The following SPAG16 variants were observed in gnomAD, a reference collection of about 807,000 sequenced individuals.
The protein encoded by SPAG16 is sperm-associated antigen 16 protein.
In SPAG16, 86 loss-of-function variants were observed where a neutral mutation model predicts 80.4. That is an observed-to-expected ratio of 1.07 (90% CI 0.90 to 1.28). The LOEUF is 1.28. SPAG16 is among the 50% of genes most tolerant of loss of function. The pLI is 0.00. For missense variants in SPAG16, 870 were observed against 765.3 expected (o/e 1.14, Z -1.61); for synonymous variants, 294 against 265.9 (o/e 1.11, Z -1.03).
At position 213,763,619 on chromosome 2, in the gene SPAG16, A is replaced by G. The variant is rs563002702; in HGVS notation, c.1071-98866A>G. ...CAACAATGTGCATATAGTTAACAAT[A>G]CTATACTGTGTGCTTAAAAATTTTA... On this transcript the variant is annotated intron_variant, in intron 10 of 15. Coordinates refer to ENST00000331683, the MANE Select transcript of SPAG16 (RefSeq NM_024532.5). Among the ~76,000 whole-genome samples, 3 of 152,178 alleles carry G rather than the reference A, an allele frequency of 2.0e-5. 1 individual carries two copies. The highest frequency in any genetic ancestry group is 7.2e-5 in the African/African-American group (3 of 41,514).
At chr2:214,366,385 G>A (rs189976690) in intron 15 of SPAG16, among the ~76,000 whole-genome samples, 1 of 152,292 alleles carries the variant, frequency 6.6e-6, no homozygotes, top group East Asian at 1.9e-4. Flanking sequence ...TTTCCACTAT[G>A]GAGGAGAGTT....
intron 10 of SPAG16, among the ~76,000 whole-genome samples, chr2:213,712,070 A>G (rs933298671): frequency 2.6e-5 from 4 of 152,110 alleles, no homozygotes; most frequent in Admixed American, 6.5e-5. Context: ...ATAGACTGCA[A>G]TATAAATGGC....
intron 9 of SPAG16, among the ~76,000 whole-genome samples, chr2:213,453,491 T>G (rs2071821472): frequency 6.6e-6 from 1 of 152,260 alleles, no homozygotes; most frequent in Admixed American, 6.5e-5. Flanking sequence ...TTTTCCAGTT[T>G]AAGCAGTTTA....
intron 11 of SPAG16, among the ~76,000 whole-genome samples, chr2:213,884,729 G>A (rs944427643): frequency 1.3e-5 from 2 of 152,086 alleles, no homozygotes; most frequent in East Asian, 3.9e-4. Flanking sequence ...GTGTTGATTT[G>A]AAAAACTGAT....
chr2:214,205,665 A>G (rs2058123970), intron 15 of SPAG16, among the ~76,000 whole-genome samples: 2 of 152,214 alleles, frequency 1.3e-5, no homozygotes, highest in South Asian at 2.1e-4. Context: ...AAAATAATAC[A>G]TCAAAATATG....
At chr2:213,883,276 G>A (rs946111066) in intron 11 of SPAG16, among the ~76,000 whole-genome samples, 1 of 152,094 alleles carries the variant, frequency 6.6e-6, no homozygotes, top group African/African-American at 2.4e-5. Context: ...AGGAGTTATT[G>A]AGGACCAAGT....
chr2:214,215,454 C>T (rs2058406966), intron 15 of SPAG16, among the ~76,000 whole-genome samples: 2 of 152,158 alleles, frequency 1.3e-5, no homozygotes, highest in African/African-American at 4.8e-5. Flanking sequence ...TTACTCCTCC[C>T]TTCAGAAGCT....
chr2:214,403,080 A>G (rs1701803875), intron 15 of SPAG16, among the ~76,000 whole-genome samples: 1 of 151,046 alleles, frequency 6.6e-6, no homozygotes, highest in South Asian at 2.1e-4. Context: ...GGCATATCAT[A>G]AAAGATAACA....
chr2:213,882,930 T>C (rs1428683131), intron 11 of SPAG16, among the ~76,000 whole-genome samples: 2 of 152,224 alleles, frequency 1.3e-5, no homozygotes, highest in Admixed American at 6.5e-5. Flanking sequence ...TGGAGTGCAG[T>C]GGCGCGATCT....
intron 12 of SPAG16, among the ~76,000 whole-genome samples, chr2:213,946,024 C>T (rs2079442575): frequency 6.6e-6 from 1 of 152,150 alleles, no homozygotes; most frequent in South Asian, 2.1e-4. Context: ...GATGCTTCTT[C>T]AGTTGAGCTA....
intron 13 of SPAG16, among the ~76,000 whole-genome samples, chr2:214,080,442 C>CAA (rs11346646): frequency 7.3e-6 from 1 of 136,916 alleles, no homozygotes; most frequent in African/African-American, 2.7e-5. Flanking sequence ...ACTAAAAATA[C>CAA]AAAAAAAAAA....
In SPAG16 at chr2:213,801,218, C is replaced by T. The variant is rs115858537; in HGVS notation, c.1071-61267C>T. ...ATAGAGGAGTGAGGAAGGAGCTTTGCGTGTGTGTGTGCGTGCGCGCGTGCC... is the reference window on the plus strand; with the variant it reads ...ATAGAGGAGTGAGGAAGGAGCTTTGTGTGTGTGTGTGCGTGCGCGCGTGCC... On this transcript the variant is annotated intron_variant, in intron 10 of 15. Coordinates refer to ENST00000331683, the MANE Select transcript of SPAG16 (RefSeq NM_024532.5). 6.1e-3 allele frequency among the ~76,000 whole-genome samples: 931 copies of T among 152,146 alleles called. 16 individuals are homozygous for T. The highest frequency in any genetic ancestry group is 0.021 in the African/African-American group (892 of 41,514).
At chr2:213,656,987 T>C (rs778145063) in intron 10 of SPAG16, among the ~76,000 whole-genome samples, 28 of 152,188 alleles carry the variant, frequency 1.8e-4, no homozygotes, top group Non-Finnish European at 3.1e-4. Context: ...TCTTTAGATC[T>C]TGATGTTAAT....
At chr2:213,671,630 T>C (rs530071023) in intron 10 of SPAG16, among the ~76,000 whole-genome samples, 2 of 152,336 alleles carry the variant, frequency 1.3e-5, no homozygotes, top group Admixed American at 6.5e-5. Context: ...TTAATGACTA[T>C]GGTGTTTCCC....
chr2:213,623,182 G>A (rs1247592144), intron 10 of SPAG16, among the ~76,000 whole-genome samples: 1 of 152,130 alleles, frequency 6.6e-6, no homozygotes, highest in African/African-American at 2.4e-5. Flanking sequence ...TCTATGAATT[G>A]ATTGCTCATG....
intron 10 of SPAG16, among the ~76,000 whole-genome samples, chr2:213,854,787 C>T (rs1190660947): frequency 6.6e-6 from 1 of 152,252 alleles, no homozygotes; most frequent in East Asian, 1.9e-4. Context: ...TACTTCAGAG[C>T]CAACACTTTT....
chr2:214,044,730 G>A (rs2049218992), intron 13 of SPAG16, among the ~76,000 whole-genome samples: 1 of 152,170 alleles, frequency 6.6e-6, no homozygotes, highest in African/African-American at 2.4e-5. Context: ...ACTTAAGAGA[G>A]GGAGAGTTCA....
At chr2:213,343,547 C>G (rs2064806645) in intron 6 of SPAG16, among the ~76,000 whole-genome samples, 1 of 151,614 alleles carries the variant, frequency 6.6e-6, no homozygotes, top group African/African-American at 2.4e-5. Context: ...CAGAACCAGA[C>G]ACAGAGAAAA....
chr2:214,382,423 C>G (rs568263313), intron 15 of SPAG16, among the ~76,000 whole-genome samples: 1 of 152,186 alleles, frequency 6.6e-6, no homozygotes, highest in Non-Finnish European at 1.5e-5. Context: ...ATTTTGTGGG[C>G]CCCTATCCAG....
Sources: gnomAD v4.1 joint callset for allele counts (sites outside exome capture counted in the v4.1 genomes callset) on GRCh38, gnomAD v4.1.1 for gene constraint, MANE v1.5 for transcripts, NCBI Gene and HGNC (gene_info 2026-07-23, HGNC 2026-07-21) for gene names.